Variants in P2RX4 observed in about 807,000 individuals in gnomAD.
The protein encoded by P2RX4 is purinergic receptor P2X 4.
P2RX4 carries 37 observed loss-of-function variants against 48.0 expected under a neutral mutation model. The observed-to-expected ratio is 0.77, with a 90% CI of 0.59 to 1.01. The LOEUF is 1.01. Among genes scored for constraint, P2RX4 ranks in the 50% least tolerant of loss-of-function variants. P2RX4 has a pLI of 0.00. For synonymous variants in P2RX4, 200 were observed against 199.7 expected, an observed-to-expected ratio of 1.00 and a Z score of -0.01; for missense variants, 501 against 521.4, an observed-to-expected ratio of 0.96 and a Z score of 0.38.
intron 5 of P2RX4, among the ~76,000 whole-genome samples, chr12:121,225,356 G>A (rs1318285339): frequency 6.6e-6 from 1 of 151,628 alleles, no homozygotes; most frequent in Admixed American, 6.6e-5. Context: ...TTATAGGTGT[G>A]AGCCACTGCA....
At chr12:121,214,704 G>C (rs892027676) in intron 1 of P2RX4, 1 of 152,250 alleles carries the variant, frequency 6.6e-6, no homozygotes, top group African/African-American at 2.4e-5. Flanking sequence ...GCCCATGGGG[G>C]GAAAGCCCAT....
At chr12:121,219,117 T>G (rs1425373703) in intron 2 of P2RX4, among the ~76,000 whole-genome samples, 1 of 152,222 alleles carries the variant, frequency 6.6e-6, no homozygotes, top group African/African-American at 2.4e-5. Flanking sequence ...AGGAGCGGCC[T>G]TCTCTAACAC....
intron 1 of P2RX4, chr12:121,216,903 T>C (rs1886261505): frequency 2.8e-6 from 2 of 703,586 alleles, no homozygotes; most frequent in Non-Finnish European, 5.2e-6. Context: ...GTGTGCTGAG[T>C]GCTTTACCTG....
intron 2 of P2RX4, among the ~76,000 whole-genome samples, chr12:121,218,016 T>A (rs1019814650): frequency 2.6e-5 from 4 of 152,136 alleles, no homozygotes; most frequent in Non-Finnish European, 5.9e-5. Context: ...ATGGCCTATG[T>A]GCTAAGGGAC....
At chr12:121,228,086 C>A (rs1248794385) in intron 5 of P2RX4, among the ~76,000 whole-genome samples, 1 of 151,918 alleles carries the variant, frequency 6.6e-6, no homozygotes, top group African/African-American at 2.4e-5. Flanking sequence ...CAGAGCAAGA[C>A]CCTGTCTCAA....
In P2RX4 at chr12:121,229,077, G is replaced by GT; in HGVS notation, c.863dup (p.Ser289IlefsTer43). 5 of 1,614,088 alleles carry GT rather than the reference G, an allele frequency of 3.1e-6. No individual in the cohort carries two copies. Among genetic ancestry groups the GT allele is most frequent in the Non-Finnish European group, 4.2e-6 (5 of 1,180,014 alleles). On this transcript the variant is annotated frameshift_variant, in exon 8 of 12. Transcript: ENST00000337233. LOFTEE classifies it high-confidence loss of function. This position sits in a 1 kb window ranked among gnomAD's most constrained non-coding sequence, Gnocchi z 4.6. ...CGATACACGGGACGTTGAGCACAAC[G>GT]TATCTCCTGGCTACAATTTCAGGTG... is the stretch of plus-strand genomic sequence containing the variant.
intron 5 of P2RX4, among the ~76,000 whole-genome samples, chr12:121,225,866 G>T (rs1021644862): frequency 1.3e-5 from 2 of 152,016 alleles, no homozygotes; most frequent in African/African-American, 4.8e-5. Flanking sequence ...TTGGAGTGTG[G>T]CTTGTAGTTG....
chr12:121,226,023 C>T (rs113951976), intron 5 of P2RX4, among the ~76,000 whole-genome samples: 5,624 of 151,946 alleles, frequency 0.037, 139 homozygotes, highest in South Asian at 0.1. Context: ...ACCACAGGGG[C>T]GCACCACCAT....
At chr12:121,210,752 C>T (rs955926877) in intron 1 of P2RX4, among the ~76,000 whole-genome samples, 7 of 152,204 alleles carry the variant, frequency 4.6e-5, no homozygotes, top group African/African-American at 1.7e-4. Context: ...TAACTCGAGC[C>T]TGGGAGACAG....
chr12:121,233,066 T>C lies in P2RX4; in HGVS notation c.1114T>C (p.Tyr372His). 6.2e-7 allele frequency: 1 copy of C among 1,612,282 alleles called. No individual in the cohort carries two copies. The highest frequency in any genetic ancestry group is 8.5e-7 in the Non-Finnish European group (1 of 1,178,622). Residue 372 changes from tyrosine to histidine, a missense_variant, in exon 11 of 12, where the codon TAT (tyrosine) becomes CAT (histidine). Physicochemically the swap from Tyr to His is moderately conservative, Grantham distance 83 (BLOSUM62 2). Coordinates refer to ENST00000337233, the MANE Select transcript of P2RX4 (RefSeq NM_002560.3). Reference protein sequence around the residue: ...KKRLYYREKKYKYVEDYEQGL... With the variant: ...KKRLYYREKKHKYVEDYEQGL... Reference sequence around the variant, plus strand: ...AAGACTCTACTATCGGGAGAAGAAATATAAATATGTGGAAGATTACGAGCA... The same window carrying C: ...AAGACTCTACTATCGGGAGAAGAAACATAAATATGTGGAAGATTACGAGCA...
At chr12:121,227,187 C>T (rs142420979) in intron 5 of P2RX4, among the ~76,000 whole-genome samples, 59 of 151,984 alleles carry the variant, frequency 3.9e-4, no homozygotes, top group African/African-American at 1.4e-3. Context: ...CAGCTCTCCT[C>T]CGAGTGCAGC....
chr12:121,222,407 T>TTTG (rs1469264322), intron 4 of P2RX4: 6 of 540,638 alleles, frequency 1.1e-5, no homozygotes, highest in Non-Finnish European at 1.6e-5. Context: ...TGTTTTTTTT[T>TTTG]TTGTTTTGTT....
chr12:121,230,191 C>T (rs1887247297), intron 8 of P2RX4, among the ~76,000 whole-genome samples: 1 of 152,176 alleles, frequency 6.6e-6, no homozygotes, highest in Admixed American at 6.5e-5. Flanking sequence ...TCACCTGAGG[C>T]CAGCATGGCG....
intron 2 of P2RX4, among the ~76,000 whole-genome samples, chr12:121,217,570 CT>C (rs1376235649): frequency 2.0e-5 from 3 of 152,038 alleles, no homozygotes; most frequent in African/African-American, 7.2e-5. Context: ...GAAATATCAC[CT>C]TTCCACATTT....
At chr12:121,226,159 A>C (rs1445241367) in intron 5 of P2RX4, among the ~76,000 whole-genome samples, 1 of 152,030 alleles carries the variant, frequency 6.6e-6, no homozygotes, top group Non-Finnish European at 1.5e-5. Flanking sequence ...AGCGTGAGCC[A>C]CCACACCTGG....
intron 2 of P2RX4, among the ~76,000 whole-genome samples, chr12:121,219,904 C>T (rs569646991): frequency 6.6e-6 from 1 of 152,108 alleles, no homozygotes; most frequent in African/African-American, 2.4e-5. Flanking sequence ...TGGACACCAG[C>T]CCCCAATGAG....
intron 1 of P2RX4, chr12:121,213,028 T>C (rs1224626903): frequency 1.3e-5 from 2 of 151,522 alleles, no homozygotes; most frequent in Admixed American, 6.6e-5. Context: ...TGTTGCACTG[T>C]ATGGTAGCCA....
At chr12:121,218,769 C>T (rs768506369) in intron 2 of P2RX4, among the ~76,000 whole-genome samples, 3 of 152,174 alleles carry the variant, frequency 2.0e-5, no homozygotes, top group East Asian at 1.9e-4. Flanking sequence ...TGAGCTTTCA[C>T]GACGTCTGTG....
At chr12:121,225,496 C>T (rs1377354405) in intron 5 of P2RX4, among the ~76,000 whole-genome samples, 3 of 152,022 alleles carry the variant, frequency 2.0e-5, no homozygotes, top group South Asian at 2.1e-4. Flanking sequence ...CTGCAAGCTC[C>T]GCCTCCTGCG....
Sources: allele counts gnomAD v4.1 joint callset (sites outside exome capture counted in the v4.1 genomes callset), GRCh38; gene constraint gnomAD v4.1.1; non-coding constraint Gnocchi (gnomAD v3.1); transcripts MANE v1.5; gene names NCBI Gene and HGNC (gene_info 2026-07-23, HGNC 2026-07-21).